Variants in HECW2 observed in about 807,000 individuals in gnomAD.
The protein encoded by HECW2 is HECT, C2 and WW domain containing E3 ubiquitin protein ligase 2.
HECW2 carries 61 observed loss-of-function variants against 175.2 expected under a neutral mutation model. The ratio of observed to expected loss-of-function variants is 0.35; its 90% CI spans 0.28 to 0.43. The LOEUF is 0.43. HECW2 is among the 20% of genes least tolerant of loss of function. The probability of loss-of-function intolerance (pLI) is 1.00; values close to 1 mark genes in which losing one functional copy is unlikely to be tolerated. For synonymous variants in HECW2, 671 were observed against 731.0 expected, an observed-to-expected ratio of 0.92 and a Z score of 1.32; for missense variants, 1,524 against 2,000.5, an observed-to-expected ratio of 0.76 and a Z score of 4.54.
At chr2:196,257,284 C>CG (rs369214418) in intron 18 of HECW2, among the ~76,000 whole-genome samples, 10,397 of 139,104 alleles carry the variant, frequency 0.075, 968 homozygotes, top group African/African-American at 0.21. Flanking sequence ...GGGTGAGGGG[C>CG]GGGGGTGAAA....
At chr2:196,313,292 C>T (rs1000044681) in intron 10 of HECW2, among the ~76,000 whole-genome samples, 18 of 152,210 alleles carry the variant, frequency 1.2e-4, no homozygotes, top group African/African-American at 3.6e-4. Context: ...TTTGTCACAC[C>T]GATAATATTT....
intron 1 of HECW2, among the ~76,000 whole-genome samples, chr2:196,496,839 A>G (rs1687410635): frequency 6.6e-6 from 1 of 152,246 alleles, no homozygotes; most frequent in African/African-American, 2.4e-5. Flanking sequence ...TTATGTCTCC[A>G]TCCATCTATT....
chr2:196,477,892 A>C (rs561458417), intron 1 of HECW2, among the ~76,000 whole-genome samples: 11 of 152,242 alleles, frequency 7.2e-5, no homozygotes, highest in African/African-American at 2.6e-4. Flanking sequence ...TCTCTACTGA[A>C]AATACAAAAA....
At chr2:196,424,179 T>A (rs1426107597) in intron 2 of HECW2, among the ~76,000 whole-genome samples, 3 of 152,074 alleles carry the variant, frequency 2.0e-5, no homozygotes, top group Non-Finnish European at 4.4e-5. Context: ...GTAATTGTTT[T>A]GAGGCACCAT....
chr2:196,529,211 T>C (rs531315793), intron 1 of HECW2, among the ~76,000 whole-genome samples: 3 of 152,246 alleles, frequency 2.0e-5, no homozygotes, highest in Admixed American at 2.0e-4. Context: ...TACCTCCCCA[T>C]GTGCTGCTAG....
chr2:196,560,483 C>T (rs561458550), intron 1 of HECW2, among the ~76,000 whole-genome samples: 8 of 152,190 alleles, frequency 5.3e-5, no homozygotes, highest in Middle Eastern at 3.4e-3. Context: ...TTCATATGCC[C>T]GCACTCCCTG....
chr2:196,460,700 T>A (rs189231114), intron 1 of HECW2, among the ~76,000 whole-genome samples: 1 of 150,184 alleles, frequency 6.7e-6, no homozygotes, highest in Admixed American at 6.7e-5. Flanking sequence ...AGCCTTAACC[T>A]CCTGGGCTCA....
intron 28 of HECW2, among the ~76,000 whole-genome samples, chr2:196,203,296 T>G (rs969314937): frequency 6.6e-6 from 1 of 152,146 alleles, no homozygotes; most frequent in African/African-American, 2.4e-5. Flanking sequence ...ATCCTTAGAC[T>G]GGAACGCAAA....
chr2:196,488,667 C>A (rs559675846), intron 1 of HECW2, among the ~76,000 whole-genome samples: 1 of 151,824 alleles, frequency 6.6e-6, no homozygotes, highest in South Asian at 2.1e-4. Flanking sequence ...CCACATAAAA[C>A]ATACCTGATT....
rs564030291 is a variant in HECW2 at position 196,268,356 on chromosome 2, G to A, written c.3335+2837C>T. Among the ~76,000 whole-genome samples the A allele has an allele frequency of 7.9e-5, 12 of 152,268 alleles. No individual in the cohort carries two copies. In the South Asian group the frequency reaches 2.3e-3, roughly 29 times the overall value. Reference sequence around the variant, plus strand: ...TAATTGCATAAAAATAGATTACCATGTGAATCCTATGTTAGAAGAAAGATT... The same window carrying A: ...TAATTGCATAAAAATAGATTACCATATGAATCCTATGTTAGAAGAAAGATT... On this transcript the variant is annotated intron_variant, in intron 17 of 28. Transcript: ENST00000644978.
At chr2:196,421,951 T>G (rs1695416668) in intron 2 of HECW2, among the ~76,000 whole-genome samples, 1 of 152,174 alleles carries the variant, frequency 6.6e-6, no homozygotes, top group Non-Finnish European at 1.5e-5. Context: ...TGGACTCCTC[T>G]GTGGACCAAA....
chr2:196,348,604 C>T (rs1693051169), intron 2 of HECW2, among the ~76,000 whole-genome samples: 1 of 152,112 alleles, frequency 6.6e-6, no homozygotes, highest in African/African-American at 2.4e-5. Flanking sequence ...GCCACGATTG[C>T]ACCACTGCAC....
intron 1 of HECW2, among the ~76,000 whole-genome samples, chr2:196,486,969 A>G (rs959024820): frequency 2.0e-5 from 3 of 152,088 alleles, no homozygotes; most frequent in Non-Finnish European, 4.4e-5. Flanking sequence ...CGCTGTCACT[A>G]CAAAAAACTT....
In HECW2 at chr2:196,194,833, G is replaced by C. The variant is rs917826715; in HGVS notation, c.*6444C>G. ...AACTGTGACACACTGTGTGGTGAAC[G>C]TAATGACTGAGGTTGGTGAAGAGAA... is the stretch of plus-strand genomic sequence containing the variant. On this transcript the variant is annotated 3_prime_UTR_variant, in exon 29 of 29. Coordinates refer to ENST00000644978, the MANE Select transcript of HECW2 (RefSeq NM_001348768.2). 1 of 152,064 alleles carries C rather than the reference G, an allele frequency of 6.6e-6. No individual in the cohort carries two copies. Among genetic ancestry groups the C allele is most frequent in the Non-Finnish European group, 1.5e-5 (1 of 68,014 alleles). The allele number at this position is 152,064 out of a possible 1,614,324, so 9.4% of individuals were successfully genotyped here. A position where few individuals can be genotyped will look rare whatever the true frequency, so the allele number is the denominator to read the frequency against.
intron 14 of HECW2, among the ~76,000 whole-genome samples, chr2:196,283,420 G>A (rs1176760086): frequency 1.4e-5 from 2 of 146,998 alleles, no homozygotes; most frequent in Admixed American, 6.8e-5. Context: ...CTGTTGCCCA[G>A]GCTGGAGTGC....
At chr2:196,585,353 G>C (rs767065518) in intron 1 of HECW2, among the ~76,000 whole-genome samples, 30 of 152,092 alleles carry the variant, frequency 2.0e-4, no homozygotes, top group Non-Finnish European at 2.8e-4. Flanking sequence ...TTTTGTCCTA[G>C]TATTAAATAA....
Position 196,329,630 on chromosome 2 carries a change from C to G in HECW2, c.516G>C (p.Glu172Asp), listed in dbSNP as rs771152234. The G allele has an allele frequency of 2.0e-5, 32 of 1,613,554 alleles. No homozygotes were observed. In the Admixed American group the frequency reaches 5.3e-4, roughly 27 times the overall value. The part of the protein sequence containing the change: ...PAVMMGAEGM[E>D]GGASGNLHSR... ...AATGCAGGTTTCCTGAAGCACCTCC[C>G]TCCATGCCTTCTGCCCCCATCTGAA... Residue 172 changes from glutamate to aspartate, a missense_variant, in exon 5 of 29, where the codon GAG (glutamate) becomes GAC (aspartate). Glu to Asp is a conservative substitution (Grantham distance 45, BLOSUM62 2). Transcript: ENST00000644978.
chr2:196,229,248 C>T (rs1048219134), intron 21 of HECW2, among the ~76,000 whole-genome samples: 6 of 151,770 alleles, frequency 4.0e-5, no homozygotes, highest in South Asian at 2.1e-4. Flanking sequence ...TTCCTCTTTT[C>T]TCCCTCTATC....
intron 2 of HECW2, among the ~76,000 whole-genome samples, chr2:196,408,778 A>G (rs1695030608): frequency 6.6e-6 from 1 of 152,222 alleles, no homozygotes; most frequent in South Asian, 2.1e-4. Flanking sequence ...CAAGAGGACT[A>G]CTGAGTGTTA....
Sources: allele counts gnomAD v4.1 joint callset (sites outside exome capture counted in the v4.1 genomes callset), GRCh38; gene constraint gnomAD v4.1.1; transcripts MANE v1.5; gene names NCBI Gene and HGNC (gene_info 2026-07-23, HGNC 2026-07-21).